Variants in SCN3A observed in about 807,000 individuals in gnomAD.
The protein encoded by SCN3A is sodium voltage-gated channel alpha subunit 3.
A neutral mutation model predicts 187.6 loss-of-function variants in SCN3A; 60 were observed. The ratio of observed to expected loss-of-function variants is 0.32; its 90% CI spans 0.26 to 0.40. The LOEUF (loss-of-function observed/expected upper bound fraction) is 0.40. SCN3A is among the 10% of genes least tolerant of loss of function. The pLI, the probability that SCN3A is intolerant of heterozygous loss-of-function variation, is 1.00. For synonymous variants in SCN3A, 788 were observed against 829.2 expected (o/e 0.95, Z 0.85); for missense variants, 1,601 against 2,428.2 (o/e 0.66, Z 7.16).
At chr2:165,155,662 G>GT in intron 10 of SCN3A, 100 bp downstream of exon 10, 1 of 1,374,974 alleles carries the variant, frequency 7.3e-7, no homozygotes, top group South Asian at 1.2e-5. Context: ...GCCTCCCAAA[G>GT]TGCTAGGGTT....
intron 7 of SCN3A, 138 bp downstream of exon 7, chr2:165,163,480 C>G (rs1689536293): frequency 3.8e-6 from 4 of 1,065,366 alleles, no homozygotes; most frequent in Non-Finnish European, 5.6e-6. Context: ...AGGAGCTAAA[C>G]TGACATTGAA....
rs781269284 is a variant in SCN3A at position 165,128,030 on chromosome 2, G to T, written c.2994C>A (p.Asp998Glu). ...CAATCTGCAGATTATTCATTTCATT[G>T]TCATCATCAGTAGCAGCAAGGTTGT... The part of the protein sequence containing the change: ...SSDNLAATDD[D>E]NEMNNLQIAV... The change falls in exon 18 of 28, where the codon GAC becomes GAA. Residue 998 changes from aspartate (D) to glutamate (E), a missense_variant. By Grantham distance (45) the Asp-to-Glu change is conservative. Transcript: ENST00000283254. The T allele has an allele frequency of 1.6e-5, 26 of 1,613,458 alleles. No individual in the cohort carries two copies. In the East Asian group the frequency reaches 5.1e-4, roughly 32 times the overall value.
intron 15 of SCN3A, among the ~76,000 whole-genome samples, chr2:165,136,801 AAAT>A (rs2105796851): frequency 6.6e-6 from 1 of 152,320 alleles, no homozygotes; most frequent in Non-Finnish European, 1.5e-5. Flanking sequence ...CTACTGAGTC[AAAT>A]AATGCAGATA....
At chr2:165,143,708 A>G (rs1187724710) in intron 12 of SCN3A, among the ~76,000 whole-genome samples, 2 of 152,360 alleles carry the variant, frequency 1.3e-5, no homozygotes, top group Admixed American at 6.5e-5. Flanking sequence ...ATGTCAAAAC[A>G]TATTTCCCAG....
chr2:165,098,525 C>T (rs1685463970), intron 22 of SCN3A, among the ~76,000 whole-genome samples: 1 of 152,146 alleles, frequency 6.6e-6, no homozygotes, highest in Admixed American at 6.5e-5. Flanking sequence ...GGAGAGAATG[C>T]ATTCACTGGG....
intron 1 of SCN3A, chr2:165,195,455 CAGA>C (rs1691891396): frequency 6.6e-6 from 1 of 152,138 alleles, no homozygotes; most frequent in Non-Finnish European, 1.5e-5. Flanking sequence ...TTTAGGTTTA[CAGA>C]AAAGTCTATC....
intron 11 of SCN3A, among the ~76,000 whole-genome samples, chr2:165,154,217 C>T (rs994225272): frequency 8.6e-5 from 13 of 151,770 alleles, no homozygotes; most frequent in African/African-American, 3.1e-4. Flanking sequence ...CCATAGTAAA[C>T]CTTATCTCTA....
intron 9 of SCN3A, among the ~76,000 whole-genome samples, chr2:165,157,975 A>G (rs949077833): frequency 1.3e-5 from 2 of 152,078 alleles, no homozygotes; most frequent in Non-Finnish European, 2.9e-5. Flanking sequence ...CTCCAGGCTC[A>G]TCTTTTATAA....
At chr2:165,094,604 T>A (rs1685274670) in intron 25 of SCN3A, 126 bp from the exon 26 acceptor site, 1 of 679,316 alleles carries the variant, frequency 1.5e-6, no homozygotes, top group Non-Finnish European at 2.6e-6. Context: ...TATACATTTA[T>A]CCTGCTTTTC....
At chr2:165,156,509 A>ACAT (rs1689047925) in intron 9 of SCN3A, among the ~76,000 whole-genome samples, 1 of 89,856 alleles carries the variant, frequency 1.1e-5, no homozygotes, top group Admixed American at 1.3e-4. Flanking sequence ...CGAGACTCTG[A>ACAT]CTCAAAAAAA....
Position 165,140,626 on chromosome 2 carries a change from T to C in SCN3A, c.2019+25A>G, listed in dbSNP as rs1321003288. 5 of 1,588,240 alleles carry C rather than the reference T, an allele frequency of 3.1e-6. No individual in the cohort carries two copies. On this transcript the variant is annotated intron_variant, in intron 13 of 27. Coordinates refer to ENST00000283254, the MANE Select transcript of SCN3A (RefSeq NM_006922.4). This position sits in a 1 kb window ranked among gnomAD's most constrained non-coding sequence, Gnocchi z 4.2. ...ATTTCAAATTGGTGAATAATGTCAG[T>C]AGCAGCTAGGTCATCTATTATCACC...
intron 1 of SCN3A, among the ~76,000 whole-genome samples, chr2:165,196,571 G>C (rs561993427): frequency 6.6e-5 from 10 of 152,122 alleles, no homozygotes; most frequent in African/African-American, 2.4e-4. Flanking sequence ...AAACCAATCC[G>C]GAACAGCAAC....
chr2:165,181,824 C>T (rs1690895826), intron 2 of SCN3A, among the ~76,000 whole-genome samples: 1 of 152,216 alleles, frequency 6.6e-6, no homozygotes, highest in African/African-American at 2.4e-5. Flanking sequence ...TAGGACACTT[C>T]AGTATGCAGT....
Position 165,170,413 on chromosome 2 carries a change from T to G in SCN3A, c.383+17A>C, listed in dbSNP as rs1559258147. On this transcript the variant is annotated intron_variant, in intron 4 of 27. Transcript: ENST00000283254. ...CTGTTAGAAATAGCATTTAGGCAATTCACATTAAAAGGATATGAATGTACC... is the reference window on the plus strand; with the variant it reads ...CTGTTAGAAATAGCATTTAGGCAATGCACATTAAAAGGATATGAATGTACC... 7.5e-7 allele frequency: 1 copy of G among 1,338,198 alleles called. No individual in the cohort carries two copies. The highest frequency in any genetic ancestry group is 2.3e-5 in the East Asian group (1 of 43,388). 82.9% of individuals were successfully genotyped at this position (1,338,198 alleles called of 1,614,324 possible).
chr2:165,106,088 A>C (rs1222812471), intron 21 of SCN3A, among the ~76,000 whole-genome samples: 1 of 152,192 alleles, frequency 6.6e-6, no homozygotes, highest in Non-Finnish European at 1.5e-5. Flanking sequence ...AGACGATCTA[A>C]GCGTTCATCC....
chr2:165,088,988 C>T lies in SCN3A; in HGVS notation c.*1162G>A, dbSNP rs994223276. 6.6e-6 allele frequency: 1 copy of T among 152,430 alleles called. No individual in the cohort carries two copies. Among genetic ancestry groups the T allele is most frequent in the East Asian group, 1.9e-4 (1 of 5,188 alleles). 9.4% of individuals were successfully genotyped at this position (152,430 alleles called of 1,614,324 possible). On this transcript the variant is annotated 3_prime_UTR_variant, in exon 28 of 28. Transcript: ENST00000283254. ...GAGCAGGTTGAATTCATTCTATCAC[C>T]AATATGTGACATTCTTTAACCAAGA...
intron 25 of SCN3A, 98 bp from the exon 26 acceptor site, chr2:165,094,576 G>C: frequency 1.2e-6 from 1 of 806,934 alleles, no homozygotes. Flanking sequence ...ATTTTTAAGT[G>C]GATATTATCC....
intron 18 of SCN3A, among the ~76,000 whole-genome samples, chr2:165,121,208 C>T (rs1385577768): frequency 6.6e-6 from 1 of 152,084 alleles, no homozygotes; most frequent in Non-Finnish European, 1.5e-5. Context: ...ATTTGGAAGA[C>T]ACTGGCCATG....
At chr2:165,182,105 A>C (rs1690913354) in intron 2 of SCN3A, among the ~76,000 whole-genome samples, 1 of 152,204 alleles carries the variant, frequency 6.6e-6, no homozygotes, top group South Asian at 2.1e-4. Context: ...ACAGTGAAAA[A>C]AGACAAATGC....
Sources: allele counts gnomAD v4.1 joint callset (sites outside exome capture counted in the v4.1 genomes callset), GRCh38; gene constraint gnomAD v4.1.1; non-coding constraint Gnocchi (gnomAD v3.1); transcripts MANE v1.5; gene names NCBI Gene and HGNC (gene_info 2026-07-23, HGNC 2026-07-21).